The following PTPRD variants were observed in gnomAD, a reference collection of about 807,000 sequenced individuals.
PTPRD encodes the protein protein tyrosine phosphatase receptor type D.
In PTPRD, 34 loss-of-function variants were observed where a neutral mutation model predicts 214.5. That is an observed-to-expected ratio of 0.16 (90% CI 0.12 to 0.21). The LOEUF is 0.21. Ranked by LOEUF, PTPRD falls within the 10% of genes least tolerant of loss-of-function variation. PTPRD has a pLI of 1.00. For missense variants in PTPRD, 2,545 were observed against 2,398.7 expected, an observed-to-expected ratio of 1.06 and a Z score of -1.27; for synonymous variants, 1,128 against 845.7, an observed-to-expected ratio of 1.33 and a Z score of -5.79.
intron 7 of PTPRD, among the ~76,000 whole-genome samples, chr9:9,635,585 G>GA (rs2095739565): frequency 1.3e-5 from 2 of 152,132 alleles, no homozygotes; most frequent in African/African-American, 4.8e-5. Flanking sequence ...ACCATTGACA[G>GA]ATTTAAGGAA....
intron 9 of PTPRD, among the ~76,000 whole-genome samples, chr9:9,281,420 T>A (rs1947645851): frequency 2.0e-5 from 3 of 150,972 alleles, no homozygotes; most frequent in African/African-American, 7.3e-5. Flanking sequence ...AAAACCTGAT[T>A]GAAAAAATGG....
intron 6 of PTPRD, among the ~76,000 whole-genome samples, chr9:9,735,380 C>A (rs1412343534): frequency 6.6e-6 from 1 of 152,002 alleles, no homozygotes; most frequent in Non-Finnish European, 1.5e-5. Context: ...TTCCTTTTGT[C>A]TTGGGAATCG....
rs139481104 is a variant in PTPRD, at chr9:9,144,130, A to T, written c.-143+39174T>A. ...AGATCCATATAATACGTCAACATTT[A>T]AAAAAGTTAAATAAAGTGAAGTATT... On this transcript the variant is annotated intron_variant, in intron 10 of 45. Transcript: ENST00000381196. Among the ~76,000 whole-genome samples, 496 of 152,320 alleles carry T rather than the reference A, an allele frequency of 3.3e-3. 3 individuals carry two copies. The highest frequency in any genetic ancestry group is 0.011 in the African/African-American group (473 of 41,566).
At chr9:8,701,265 A>G (rs2154395205) in intron 12 of PTPRD, 1 of 152,324 alleles carries the variant, frequency 6.6e-6, no homozygotes, top group Admixed American at 6.5e-5. Flanking sequence ...CCAACCATGG[A>G]AAGGTAAAAG....
At chr9:8,658,574 C>G (rs4631518) in intron 12 of PTPRD, among the ~76,000 whole-genome samples, 77 of 151,628 alleles carry the variant, frequency 5.1e-4, no homozygotes, top group African/African-American at 1.8e-3. Flanking sequence ...GGACTAGATT[C>G]TCTCATACGT....
chr9:9,697,799 A>T (rs1205702301), intron 7 of PTPRD, among the ~76,000 whole-genome samples: 1 of 152,062 alleles, frequency 6.6e-6, no homozygotes, highest in Admixed American at 6.6e-5. Flanking sequence ...TAATTCTTAG[A>T]TTTCCTCTTT....
At chr9:9,246,106 T>C (rs74422027) in intron 9 of PTPRD, among the ~76,000 whole-genome samples, 1 of 152,032 alleles carries the variant, frequency 6.6e-6, no homozygotes, top group Non-Finnish European at 1.5e-5. Context: ...TTGGTAGGAA[T>C]GGGGGTGACT....
intron 4 of PTPRD, among the ~76,000 whole-genome samples, chr9:10,009,156 C>G (rs1187013328): frequency 1.3e-5 from 2 of 151,928 alleles, no homozygotes; most frequent in Non-Finnish European, 2.9e-5. Flanking sequence ...CTTTTAGAGT[C>G]TTAAAGCTTT....
At chr9:10,520,937 C>G (rs766298882) in intron 2 of PTPRD, among the ~76,000 whole-genome samples, 1 of 150,930 alleles carries the variant, frequency 6.6e-6, no homozygotes, top group Admixed American at 6.7e-5. Context: ...CATCTAGTTG[C>G]CAAGGTGCAA....
At chr9:10,533,468 T>C (rs1455121851) in intron 2 of PTPRD, among the ~76,000 whole-genome samples, 1 of 152,120 alleles carries the variant, frequency 6.6e-6, no homozygotes, top group Non-Finnish European at 1.5e-5. Flanking sequence ...GTATATACAC[T>C]CAGCTGTCTC....
intron 11 of PTPRD, among the ~76,000 whole-genome samples, chr9:8,804,318 C>A (rs914054582): frequency 2.0e-5 from 3 of 151,972 alleles, no homozygotes; most frequent in Non-Finnish European, 4.4e-5. Flanking sequence ...TTTATATTGA[C>A]CAAGCACAGT....
At chr9:9,869,829 G>C (rs1342867987) in intron 5 of PTPRD, among the ~76,000 whole-genome samples, 2 of 151,804 alleles carry the variant, frequency 1.3e-5, no homozygotes, top group African/African-American at 4.8e-5. Flanking sequence ...ATGGAGAACT[G>C]TTTGGAGACT....
In PTPRD at chr9:8,315,243, G is replaced by A. The variant is rs771231076; in HGVS notation, c.*2631C>T. ...ACAGCTCCTGAACAGTAAGATTCCC[G>A]CAATAGTCTCCGCCTCGTTCGTCTA... On this transcript the variant is annotated 3_prime_UTR_variant, in exon 46 of 46. Coordinates refer to ENST00000381196, the MANE Select transcript of PTPRD (RefSeq NM_002839.4). 1.3e-5 allele frequency: 3 copies of A among 232,534 alleles called. No homozygotes were observed. Among genetic ancestry groups the A allele is most frequent in the South Asian group, 3.6e-4 (2 of 5,520 alleles). The allele number at this position is 232,534 out of a possible 1,614,324, so 14.4% of individuals were successfully genotyped here.
At chr9:9,476,965 C>A (rs1339618614) in intron 8 of PTPRD, among the ~76,000 whole-genome samples, 2 of 152,066 alleles carry the variant, frequency 1.3e-5, no homozygotes, top group African/African-American at 2.4e-5. Context: ...GAACTCCCAA[C>A]TTCAGGTGAT....
chr9:8,365,245 T>C (rs1033658178), intron 39 of PTPRD, among the ~76,000 whole-genome samples: 6 of 152,136 alleles, frequency 3.9e-5, no homozygotes, highest in African/African-American at 1.4e-4. Context: ...CATAGTCCTG[T>C]TTCTGAGTTC....
At chr9:9,485,729 A>G (rs1000551735) in intron 8 of PTPRD, among the ~76,000 whole-genome samples, 6 of 152,070 alleles carry the variant, frequency 3.9e-5, no homozygotes, top group African/African-American at 1.2e-4. Flanking sequence ...ATTTCTCCAA[A>G]TTTACACTGA....
rs190751420 is a variant in PTPRD, at chr9:9,118,233, A to T, written c.-143+65071T>A. On this transcript the variant is annotated intron_variant, in intron 10 of 45. Transcript: ENST00000381196. Reference sequence around the variant, plus strand: ...ATGCTTTTAGGTATGGCAAGCTATCAAAATAATATGCAAGTAAAAATACTG... The same window carrying T: ...ATGCTTTTAGGTATGGCAAGCTATCTAAATAATATGCAAGTAAAAATACTG... Among the ~76,000 whole-genome samples, 79 of 152,374 alleles carry T rather than the reference A, an allele frequency of 5.2e-4. 1 individual carries two copies. Among genetic ancestry groups the T allele is most frequent in the Admixed American group, 3.6e-3 (55 of 15,306 alleles).
At chr9:9,300,272 TC>T (rs775272849) in intron 9 of PTPRD, among the ~76,000 whole-genome samples, 8 of 151,692 alleles carry the variant, frequency 5.3e-5, no homozygotes, top group Non-Finnish European at 1.2e-4. Flanking sequence ...AAATAGTCCA[TC>T]CCCTGCTTCT....
Position 8,557,032 on chromosome 9 carries a change from G to T in PTPRD, c.353-28253C>A, listed in dbSNP as rs564510551. Among the ~76,000 whole-genome samples the T allele has an allele frequency of 2.0e-5, 3 of 152,084 alleles. No homozygotes were observed. The South Asian group carries it at 6.2e-4, about 32-fold the overall frequency. On this transcript the variant is annotated intron_variant, in intron 14 of 45. Coordinates refer to ENST00000381196, the MANE Select transcript of PTPRD (RefSeq NM_002839.4). ...ATCAGCACAATTTGTAGCTGAAATT[G>T]ATTATTAGGAAGTGGTTTGTGGTAT...
Sources: gnomAD v4.1 joint callset for allele counts (sites outside exome capture counted in the v4.1 genomes callset) on GRCh38, gnomAD v4.1.1 for gene constraint, MANE v1.5 for transcripts, NCBI Gene and HGNC (gene_info 2026-07-23, HGNC 2026-07-21) for gene names.